The following COMMD3 variants were observed in gnomAD, a reference collection of about 807,000 sequenced individuals.
COMMD3 encodes the protein COMM domain containing 3.
In COMMD3, 31 loss-of-function variants were observed where a neutral mutation model predicts 31.2. The ratio of observed to expected loss-of-function variants is 0.99; its 90% CI spans 0.75 to 1.34. The LOEUF (loss-of-function observed/expected upper bound fraction) is 1.34, where lower values mean the gene tolerates loss of function less well. COMMD3 is among the 40% of genes most tolerant of loss of function. The pLI is 0.00. For synonymous variants in COMMD3, 108 were observed against 87.3 expected, an observed-to-expected ratio of 1.24 and a Z score of -1.32; for missense variants, 274 against 236.9, an observed-to-expected ratio of 1.16 and a Z score of -1.03.
chr10:22,316,633 A>G, intron 1 of COMMD3, 77 bp downstream of exon 1: 1 of 1,399,718 alleles, frequency 7.1e-7, no homozygotes, highest in Non-Finnish European at 9.4e-7. Flanking sequence ...CGGCGGAGCG[A>G]GAAGGGGAAA....
At chr10:22,316,684 C>T in intron 1 of COMMD3, 128 bp downstream of exon 1, 1 of 1,347,490 alleles carries the variant, frequency 7.4e-7, no homozygotes, top group Non-Finnish European at 9.6e-7. Flanking sequence ...CCCTTCGCTC[C>T]GGACGGAGTG....
chr10:22,316,626 C>G, intron 1 of COMMD3, 70 bp downstream of exon 1: 1 of 1,404,976 alleles, frequency 7.1e-7, no homozygotes, highest in Non-Finnish European at 9.4e-7. Flanking sequence ...GAGGAGCCGG[C>G]GGAGCGAGAA....
At chr10:22,318,562 G>A (rs1230617246) in intron 4 of COMMD3, 91 bp from the exon 5 acceptor site, 2 of 1,228,848 alleles carry the variant, frequency 1.6e-6, no homozygotes, top group Non-Finnish European at 2.4e-6. Flanking sequence ...ATGGAGTTGG[G>A]GGTGGAAAGT....
At chr10:22,319,112 C>A in intron 7 of COMMD3, 94 bp downstream of exon 7, 2 of 1,347,040 alleles carry the variant, frequency 1.5e-6, no homozygotes, top group Non-Finnish European at 2.0e-6. Context: ...ATTAATCTAA[C>A]CATTTGTCAG....
At position 22,320,126 on chromosome 10, in the gene COMMD3, C is replaced by A; in HGVS notation, c.*128C>A. ...AAAGAATTTTCCTTTTGAATTTATA[C>A]CATTCATCAATTTTGACACTTTAAA... On this transcript the variant is annotated 3_prime_UTR_variant, in exon 8 of 8. Coordinates refer to ENST00000376836, the MANE Select transcript of COMMD3 (RefSeq NM_012071.4). 1 of 1,567,884 alleles carries A rather than the reference C, an allele frequency of 6.4e-7. No individual in the cohort carries two copies. Among genetic ancestry groups the A allele is most frequent in the Admixed American group, 1.9e-5 (1 of 52,562 alleles).
At chr10:22,318,476 G>A in intron 4 of COMMD3, 170 bp downstream of exon 4, 2 of 1,118,084 alleles carry the variant, frequency 1.8e-6, no homozygotes, top group East Asian at 4.8e-5. Context: ...TTATTGAGAT[G>A]ATTTTGAAAT....
intron 5 of COMMD3, 29 bp downstream of exon 5, chr10:22,318,742 G>A: frequency 6.2e-7 from 1 of 1,612,586 alleles, no homozygotes; most frequent in Admixed American, 1.7e-5. Flanking sequence ...CTCTAGCGGG[G>A]GATTTAGGGA....
At chr10:22,316,822 A>G (rs1051877160) in intron 1 of COMMD3, 1 of 345,118 alleles carries the variant, frequency 2.9e-6, no homozygotes, top group African/African-American at 2.1e-5. Flanking sequence ...GTTCTTTTGT[A>G]AAGCCGGTGT....
Position 22,318,583 on chromosome 10 carries a change from T to C in COMMD3, c.351-70T>C, listed in dbSNP as rs1835898221. 8 of 1,373,984 alleles carry C rather than the reference T, an allele frequency of 5.8e-6. No individual in the cohort carries two copies. In the African/African-American group the frequency reaches 1.0e-4, roughly 17 times the overall value. 85.1% of individuals were successfully genotyped at this position (1,373,984 alleles called of 1,614,324 possible). A position where few individuals can be genotyped will look rare whatever the true frequency, so the allele number is the denominator to read the frequency against. On this transcript the variant is annotated intron_variant, in intron 4 of 7. Transcript: ENST00000376836. ...TTGGGGGTGGAAAGTAGAGCCATTC[T>C]TAGTAAATATAAATAACTGAAAAGT...
At chr10:22,316,702 C>T (rs779899758) in intron 1 of COMMD3, 146 bp downstream of exon 1, 4 of 1,316,286 alleles carry the variant, frequency 3.0e-6, no homozygotes, top group South Asian at 1.8e-5. Context: ...GTGTTGGGGA[C>T]GTGGCTCTGC....
At chr10:22,316,693 T>C in intron 1 of COMMD3, 137 bp downstream of exon 1, 1 of 1,335,748 alleles carries the variant, frequency 7.5e-7, no homozygotes, top group Non-Finnish European at 9.7e-7. Context: ...CCGGACGGAG[T>C]GTTGGGGACG....
chr10:22,318,743 G>T (rs780857709), intron 5 of COMMD3, 30 bp downstream of exon 5: 32 of 1,612,646 alleles, frequency 2.0e-5, no homozygotes, highest in Non-Finnish European at 2.6e-5. Context: ...TCTAGCGGGG[G>T]ATTTAGGGAA....
chr10:22,319,970 A>G lies in COMMD3; in HGVS notation c.560A>G (p.Lys187Arg), dbSNP rs1242483157. The change falls in exon 8 of 8, where the codon AAA becomes AGA. Residue 187 changes from lysine (K) to arginine (R), a missense_variant. Coordinates refer to ENST00000376836, the MANE Select transcript of COMMD3 (RefSeq NM_012071.4). Reference sequence around the variant, plus strand: ...GTGGGGAAACTTAAAGATGCTTCGAAAAGCCTGGAAAGAGCAACTCAGTTG... The same window carrying G: ...GTGGGGAAACTTAAAGATGCTTCGAGAAGCCTGGAAAGAGCAACTCAGTTG... The part of the protein sequence containing the change: ...DLVGKLKDAS[K>R]SLERATQL 6.2e-7 allele frequency: 1 copy of G among 1,614,050 alleles called. No homozygotes were observed. The highest frequency in any genetic ancestry group is 8.5e-7 in the Non-Finnish European group (1 of 1,180,018).
intron 4 of COMMD3, 125 bp from the exon 5 acceptor site, chr10:22,318,528 G>A (rs948770464): frequency 1.4e-5 from 16 of 1,104,118 alleles, no homozygotes; most frequent in Non-Finnish European, 2.1e-5. Context: ...GTTTAACAAT[G>A]GTTTAAATTC....
chr10:22,318,811 T>G lies in COMMD3; in HGVS notation c.417T>G (p.Asn139Lys), dbSNP rs1835903126. The G allele has an allele frequency of 6.2e-7, 1 of 1,613,892 alleles. No homozygotes were observed. Among genetic ancestry groups the G allele is most frequent in the East Asian group, 2.2e-5 (1 of 44,840 alleles). ...TGTTTGTTGTGTTATTTTAGACCAA[T>G]CAACTTCATAGGATGTACAGACCTG... ...SWRLEYQIKT[N>K]QLHRMYRPAY... Residue 139 changes from asparagine (N) to lysine (K), a missense_variant, in exon 6 of 8, where the codon AAT becomes AAG. Physicochemically the swap from Asn to Lys is moderately conservative, Grantham distance 94. Coordinates refer to ENST00000376836, the MANE Select transcript of COMMD3 (RefSeq NM_012071.4).
rs772310000 is a variant in COMMD3 at position 22,318,800 on chromosome 10, T to C, written c.412-6T>C. ...AAGCTGTTGCGTGTTTGTTGTGTTA[T>C]TTTAGACCAATCAACTTCATAGGAT... is the stretch of plus-strand genomic sequence containing the variant. On this transcript the variant is annotated splice_region_variant and splice_polypyrimidine_tract_variant and intron_variant, in intron 5 of 7. Coordinates refer to ENST00000376836, the MANE Select transcript of COMMD3 (RefSeq NM_012071.4). The C allele has an allele frequency of 4.3e-6, 7 of 1,613,980 alleles. No individual in the cohort carries two copies. Among genetic ancestry groups the C allele is most frequent in the Non-Finnish European group, 5.9e-6 (7 of 1,179,920 alleles).
In COMMD3 at chr10:22,316,482, C is replaced by A; in HGVS notation, c.65C>A (p.Ser22Tyr). The change falls in exon 1 of 8, where the codon TCC becomes TAC. Residue 22 changes from serine to tyrosine, a missense_variant. Physicochemically the swap from Ser to Tyr is moderately radical, Grantham distance 144. Coordinates refer to ENST00000376836, the MANE Select transcript of COMMD3 (RefSeq NM_012071.4). Reference protein sequence around the residue: ...QMLADPRSFDSNAFTLLLRAA... With the variant: ...QMLADPRSFDYNAFTLLLRAA... ...CTGGCGGATCCCCGCTCCTTCGACT[C>A]CAACGCCTTCACGCTTCTCCTCCGG... 6.4e-7 allele frequency: 1 copy of A among 1,550,656 alleles called. No homozygotes were observed. The highest frequency in any genetic ancestry group is 8.7e-7 in the Non-Finnish European group (1 of 1,146,748).
intron 4 of COMMD3, 68 bp from the exon 5 acceptor site, chr10:22,318,585 A>C: frequency 2.2e-6 from 3 of 1,380,404 alleles, no homozygotes; most frequent in Non-Finnish European, 3.1e-6. Flanking sequence ...AGCCATTCTT[A>C]GTAAATATAA....
Position 22,318,984 on chromosome 10 carries a change from A to G in COMMD3, c.494A>G (p.Glu165Gly), listed in dbSNP as rs1392237487. The G allele has an allele frequency of 6.2e-7, 1 of 1,612,380 alleles. No individual in the cohort carries two copies. Among genetic ancestry groups the G allele is most frequent in the Non-Finnish European group, 8.5e-7 (1 of 1,179,466 alleles). ...VQNTDSPSYPEISFSCSMEQL... is the reference protein window; with the variant it reads ...VQNTDSPSYPGISFSCSMEQL... ...AACACTGATTCCCCATCCTATCCAG[A>G]GATTAGTTTTAGTTGCAGCATGGAA... Residue 165 changes from glutamate to glycine, a missense_variant, in exon 7 of 8, where the codon GAG becomes GGG. By Grantham distance (98) the Glu-to-Gly change is moderately conservative. Transcript: ENST00000376836.
Sources: gnomAD v4.1 joint callset for allele counts on GRCh38, gnomAD v4.1.1 for gene constraint, MANE v1.5 for transcripts, NCBI Gene and HGNC (gene_info 2026-07-23, HGNC 2026-07-21) for gene names.